The following FHIT variants were observed in gnomAD, a reference collection of about 807,000 sequenced individuals.
FHIT encodes fragile histidine triad diadenosine triphosphatase, also known as bis(5'-adenosyl)-triphosphatase.
In FHIT, 19 loss-of-function variants were observed where a neutral mutation model predicts 17.9. The ratio of observed to expected loss-of-function variants is 1.06; its 90% CI spans 0.74 to 1.56. FHIT has a LOEUF of 1.56. Ranked by LOEUF, FHIT falls within the 40% of genes most tolerant of loss-of-function variation. The pLI is 0.00. For missense variants in FHIT, 248 were observed against 189.2 expected (o/e 1.31, Z -1.82); for synonymous variants, 81 against 69.7 (o/e 1.16, Z -0.81).
intron 5 of FHIT, among the ~76,000 whole-genome samples, chr3:60,024,445 T>G (rs1700662479): frequency 6.6e-6 from 1 of 152,358 alleles, no homozygotes; most frequent in Non-Finnish European, 1.5e-5. Context: ...AGTTGAATAT[T>G]AGAGAAAAGG....
At chr3:60,617,406 T>G in intron 4 of FHIT, 2 of 184,762 alleles carry the variant, frequency 1.1e-5, no homozygotes, top group Non-Finnish European at 2.4e-5. Context: ...TCCAATAGTC[T>G]CGATCTGAAT....
intron 5 of FHIT, among the ~76,000 whole-genome samples, chr3:60,352,579 G>A (rs1356660662): frequency 3.3e-5 from 5 of 151,996 alleles, no homozygotes; most frequent in East Asian, 1.9e-4. Context: ...ACAGCTTACC[G>A]CAGCCTTCAA....
intron 3 of FHIT, among the ~76,000 whole-genome samples, chr3:60,898,272 T>C (rs1224047145): frequency 2.0e-5 from 3 of 152,228 alleles, no homozygotes; most frequent in African/African-American, 7.2e-5. Flanking sequence ...CCAAATATTG[T>C]GCTCTTAGGA....
At chr3:60,199,884 G>C (rs147380895) in intron 5 of FHIT, among the ~76,000 whole-genome samples, 1 of 152,048 alleles carries the variant, frequency 6.6e-6, no homozygotes, top group African/African-American at 2.4e-5. Flanking sequence ...AAACATAGGG[G>C]ACTAAAAATG....
At chr3:60,245,257 A>G (rs575676125) in intron 5 of FHIT, among the ~76,000 whole-genome samples, 2 of 152,222 alleles carry the variant, frequency 1.3e-5, no homozygotes, top group South Asian at 4.1e-4. Context: ...CTTGTAGCTA[A>G]TAATTTTGCA....
At chr3:60,210,133 G>C (rs1167578597) in intron 5 of FHIT, among the ~76,000 whole-genome samples, 2 of 152,116 alleles carry the variant, frequency 1.3e-5, no homozygotes, top group Non-Finnish European at 2.9e-5. Flanking sequence ...TCCAAAAAGA[G>C]GTAAAAGATA....
At position 60,860,058 on chromosome 3, in the gene FHIT, T is replaced by C. The variant is rs370310134; in HGVS notation, c.-110-38047A>G. Among the ~76,000 whole-genome samples, 14 of 70,284 alleles carry C rather than the reference T, an allele frequency of 2.0e-4. No individual in the cohort carries two copies. The South Asian group carries it at 5.1e-3, about 26-fold the overall frequency. 46.1% of individuals were successfully genotyped at this position (70,284 alleles called of 152,430 possible). On this transcript the variant is annotated intron_variant, in intron 3 of 9. Transcript: ENST00000492590. Reference sequence around the variant, plus strand: ...ACTACATCTCAAAAAAACAAAAAGATACATATATATGATATATCTGATATA... The same window carrying C: ...ACTACATCTCAAAAAAACAAAAAGACACATATATATGATATATCTGATATA...
intron 4 of FHIT, among the ~76,000 whole-genome samples, chr3:60,608,890 A>G (rs1160459739): frequency 6.6e-6 from 1 of 152,124 alleles, no homozygotes. Flanking sequence ...CCTTCTCTTC[A>G]TAATAGGTAA....
intron 4 of FHIT, among the ~76,000 whole-genome samples, chr3:60,575,067 A>T (rs2037520546): frequency 6.6e-6 from 1 of 152,116 alleles, no homozygotes; most frequent in African/African-American, 2.4e-5. Flanking sequence ...CATTTTTAAA[A>T]TCAGTCTCCA....
intron 3 of FHIT, among the ~76,000 whole-genome samples, chr3:61,011,922 CA>C (rs1410601086): frequency 5.3e-5 from 8 of 152,160 alleles, no homozygotes; most frequent in African/African-American, 1.7e-4. Context: ...GGAAGGACCA[CA>C]AGGAAGTTTA....
intron 5 of FHIT, among the ~76,000 whole-genome samples, chr3:60,228,415 G>C (rs1185753743): frequency 6.6e-6 from 1 of 152,074 alleles, no homozygotes; most frequent in Non-Finnish European, 1.5e-5. Flanking sequence ...GTATGACCTT[G>C]GGAATACACT....
At chr3:60,786,843 A>G (rs1173219338) in intron 4 of FHIT, among the ~76,000 whole-genome samples, 2 of 152,176 alleles carry the variant, frequency 1.3e-5, no homozygotes, top group African/African-American at 4.8e-5. Context: ...TATTTGATCA[A>G]AAGCCACATC....
chr3:60,027,150 A>ACACAC (rs1700786704), intron 5 of FHIT, among the ~76,000 whole-genome samples: 4 of 138,952 alleles, frequency 2.9e-5, no homozygotes, highest in Admixed American at 2.8e-4. Context: ...CACACACACA[A>ACACAC]AATTAGTAAA....
chr3:60,070,822 A>G lies in FHIT; in HGVS notation c.104-56670T>C, dbSNP rs955119848. 4.6e-5 allele frequency among the ~76,000 whole-genome samples: 7 copies of G among 152,148 alleles called. No homozygotes were observed. In the East Asian group the frequency reaches 7.7e-4, roughly 17 times the overall value. The stretch of plus-strand genomic sequence containing the variant: ...ACGCCTTTTAGGTAAATTCCTTAAT[A>G]TCTTTCTTCAAAATAGTTGGATGGC... On this transcript the variant is annotated intron_variant, in intron 5 of 9. Coordinates refer to ENST00000492590, the MANE Select transcript of FHIT (RefSeq NM_002012.4).
At chr3:61,144,227 A>T (rs1182666018) in intron 2 of FHIT, among the ~76,000 whole-genome samples, 2 of 152,174 alleles carry the variant, frequency 1.3e-5, no homozygotes, top group African/African-American at 4.8e-5. Flanking sequence ...AGCCCTATTA[A>T]TCCACTAATC....
At chr3:60,889,797 A>C (rs1389622218) in intron 3 of FHIT, among the ~76,000 whole-genome samples, 1 of 152,210 alleles carries the variant, frequency 6.6e-6, no homozygotes, top group Non-Finnish European at 1.5e-5. Context: ...GAAGAGGCAA[A>C]TTGGGTTAAT....
At chr3:61,230,605 G>T (rs2106870453) in intron 1 of FHIT, among the ~76,000 whole-genome samples, 1 of 152,190 alleles carries the variant, frequency 6.6e-6, no homozygotes, top group South Asian at 2.1e-4. Flanking sequence ...CTGATTCTCA[G>T]AAATGAAGCA....
intron 2 of FHIT, among the ~76,000 whole-genome samples, chr3:61,175,801 T>C (rs1261422529): frequency 1.3e-5 from 2 of 152,188 alleles, no homozygotes; most frequent in Non-Finnish European, 2.9e-5. Flanking sequence ...CCAGTCCTAC[T>C]GGTGCATTGA....
chr3:60,691,009 G>A (rs149276159), intron 4 of FHIT, among the ~76,000 whole-genome samples: 32 of 152,226 alleles, frequency 2.1e-4, no homozygotes, highest in African/African-American at 7.0e-4. Flanking sequence ...TTGCCTGTGT[G>A]TGTGAAGGAT....
Sources: allele counts gnomAD v4.1 joint callset (sites outside exome capture counted in the v4.1 genomes callset), GRCh38; gene constraint gnomAD v4.1.1; transcripts MANE v1.5; gene names NCBI Gene and HGNC (gene_info 2026-07-23, HGNC 2026-07-21).